Variants in NRG3 observed in about 807,000 individuals in gnomAD.
NRG3 encodes neuregulin 3.
Under a neutral mutation model 66.9 loss-of-function variants are expected in NRG3, and 31 were observed. That is an observed-to-expected ratio of 0.46 (90% confidence interval 0.35 to 0.63). The LOEUF (loss-of-function observed/expected upper bound fraction) is 0.63. NRG3 is among the 20% of genes least tolerant of loss of function. The probability of loss-of-function intolerance (pLI) is 0.00; values close to 1 mark genes in which losing one functional copy is unlikely to be tolerated. For missense variants in NRG3, 910 were observed against 878.9 expected, an observed-to-expected ratio of 1.04 and a Z score of -0.45; for synonymous variants, 393 against 359.4, an observed-to-expected ratio of 1.09 and a Z score of -1.06.
At chr10:82,192,013 G>A (rs1223685576) in intron 1 of NRG3, among the ~76,000 whole-genome samples, 1 of 152,090 alleles carries the variant, frequency 6.6e-6, no homozygotes, top group Non-Finnish European at 1.5e-5. Flanking sequence ...TCCCATCAAT[G>A]CAAAATACTG....
intron 1 of NRG3, among the ~76,000 whole-genome samples, chr10:82,304,374 A>G (rs2134835773): frequency 6.6e-6 from 1 of 152,274 alleles, no homozygotes; most frequent in African/African-American, 2.4e-5. Context: ...CACTTGACCT[A>G]TTAGAAACAT....
At chr10:82,237,697 T>C (rs974505389) in intron 1 of NRG3, among the ~76,000 whole-genome samples, 2 of 152,174 alleles carry the variant, frequency 1.3e-5, no homozygotes, top group Non-Finnish European at 2.9e-5. Context: ...CATAAATGGC[T>C]CACTGAAATT....
At chr10:82,723,531 G>C (rs2251944) in intron 2 of NRG3, among the ~76,000 whole-genome samples, 84,225 of 151,904 alleles carry the variant, frequency 0.55, 23,942 homozygotes, top group East Asian at 0.69. Flanking sequence ...TATCATTAAC[G>C]TAAATTCATG....
intron 1 of NRG3, among the ~76,000 whole-genome samples, chr10:81,990,906 A>G (rs1257923961): frequency 1.3e-5 from 2 of 152,216 alleles, no homozygotes; most frequent in African/African-American, 2.4e-5. Flanking sequence ...ATGCAAGTTT[A>G]CATATTAAAC....
intron 7 of NRG3, among the ~76,000 whole-genome samples, chr10:82,974,361 A>G (rs1234062042): frequency 6.6e-6 from 1 of 152,192 alleles, no homozygotes; most frequent in Non-Finnish European, 1.5e-5. Flanking sequence ...TCTTGGGTCT[A>G]TAAAATCTTC....
At chr10:82,440,304 G>T (rs1590138585) in intron 2 of NRG3, among the ~76,000 whole-genome samples, 2 of 146,804 alleles carry the variant, frequency 1.4e-5, no homozygotes, top group Non-Finnish European at 3.0e-5. Context: ...TATATATAAT[G>T]TACATTTTTA....
intron 1 of NRG3, among the ~76,000 whole-genome samples, chr10:82,075,708 T>A (rs2065052375): frequency 6.6e-6 from 1 of 152,002 alleles, no homozygotes; most frequent in African/African-American, 2.4e-5. Flanking sequence ...TTTTTCGAAG[T>A]GTATGCTGTG....
At chr10:82,186,413 G>T (rs932319682) in intron 1 of NRG3, among the ~76,000 whole-genome samples, 3 of 152,144 alleles carry the variant, frequency 2.0e-5, no homozygotes, top group African/African-American at 7.2e-5. Context: ...TGAGCAAGCT[G>T]CCCTTACAGG....
intron 2 of NRG3, among the ~76,000 whole-genome samples, chr10:82,623,318 A>C (rs927018689): frequency 6.6e-6 from 1 of 152,154 alleles, no homozygotes; most frequent in Non-Finnish European, 1.5e-5. Context: ...TTCTCCATCA[A>C]GTCATAAAAG....
At chr10:82,226,337 T>A (rs528878596) in intron 1 of NRG3, among the ~76,000 whole-genome samples, 4 of 152,156 alleles carry the variant, frequency 2.6e-5, no homozygotes, top group African/African-American at 9.6e-5. Context: ...TAGGACTCCT[T>A]ACATTTCTGA....
At chr10:82,836,586 A>G (rs1207163828) in intron 3 of NRG3, among the ~76,000 whole-genome samples, 1 of 152,096 alleles carries the variant, frequency 6.6e-6, no homozygotes, top group Admixed American at 6.6e-5. Context: ...CTTTTTTTTA[A>G]TTATTTCTAT....
At chr10:82,593,357 C>G (rs1190687374) in intron 2 of NRG3, among the ~76,000 whole-genome samples, 1 of 152,156 alleles carries the variant, frequency 6.6e-6, no homozygotes, top group East Asian at 1.9e-4. Context: ...TACCAACAAA[C>G]AAATATTATT....
chr10:82,826,343 C>A (rs1379913492), intron 3 of NRG3, among the ~76,000 whole-genome samples: 1 of 152,188 alleles, frequency 6.6e-6, no homozygotes, highest in Non-Finnish European at 1.5e-5. Context: ...TCAGTTCTTG[C>A]AACAAGCTGC....
chr10:82,108,173 A>G (rs1356562227), intron 1 of NRG3, among the ~76,000 whole-genome samples: 1 of 152,240 alleles, frequency 6.6e-6, no homozygotes, highest in Non-Finnish European at 1.5e-5. Flanking sequence ...ATGCACAGTT[A>G]GAAAACATCT....
At chr10:82,443,832 AACTC>A (rs2090567763) in intron 2 of NRG3, among the ~76,000 whole-genome samples, 1 of 152,224 alleles carries the variant, frequency 6.6e-6, no homozygotes, top group African/African-American at 2.4e-5. Context: ...AAACCCTGGA[AACTC>A]ACTATGATGT....
intron 1 of NRG3, among the ~76,000 whole-genome samples, chr10:82,281,327 T>G (rs989155010): frequency 6.6e-6 from 1 of 152,114 alleles, no homozygotes; most frequent in East Asian, 1.9e-4. Context: ...GAAACAGAAT[T>G]TATCCCTAGT....
At chr10:82,366,467 T>A (rs2084530619) in intron 2 of NRG3, among the ~76,000 whole-genome samples, 1 of 152,194 alleles carries the variant, frequency 6.6e-6, no homozygotes, top group African/African-American at 2.4e-5. Flanking sequence ...TTTGACAAAT[T>A]AGCAATTTTC....
At chr10:82,786,482 GC>G (rs1332077884) in intron 3 of NRG3, among the ~76,000 whole-genome samples, 5 of 152,028 alleles carry the variant, frequency 3.3e-5, no homozygotes, top group South Asian at 2.1e-4. Context: ...TCCTATGCCT[GC>G]CCCCCCATTG....
intron 1 of NRG3, among the ~76,000 whole-genome samples, chr10:82,247,948 A>G (rs575385341): frequency 2.6e-4 from 40 of 152,224 alleles, no homozygotes; most frequent in Non-Finnish European, 4.8e-4. Flanking sequence ...TAATAATAGT[A>G]ATAGTAGTAA....
Sources: gnomAD v4.1 joint callset for allele counts (sites outside exome capture counted in the v4.1 genomes callset) on GRCh38, gnomAD v4.1.1 for gene constraint, MANE v1.5 for transcripts, NCBI Gene and HGNC (gene_info 2026-07-23, HGNC 2026-07-21) for gene names.